SLIT3: variants seen among roughly 807,000 people sequenced by gnomAD.
SLIT3 encodes slit guidance ligand 3.
SLIT3 carries 68 observed loss-of-function variants against 184.0 expected under a neutral mutation model. That is an observed-to-expected ratio of 0.37 (90% CI 0.30 to 0.45). SLIT3 has a LOEUF of 0.45. Among genes scored for constraint, SLIT3 ranks in the 20% least tolerant of loss-of-function variants. The pLI, the probability that SLIT3 is intolerant of heterozygous loss-of-function variation, is 1.00. For missense variants in SLIT3, 1,707 were observed against 2,026.0 expected (o/e 0.84, Z 3.02); for synonymous variants, 831 against 828.6 (o/e 1.00, Z -0.05).
intron 4 of SLIT3, among the ~76,000 whole-genome samples, chr5:169,161,781 G>A (rs1159079432): frequency 3.3e-5 from 5 of 151,946 alleles, no homozygotes; most frequent in Non-Finnish European, 7.4e-5. Context: ...TGTCCACTGT[G>A]GTAGCTGAGG....
At chr5:168,869,108 T>C (rs977075317) in intron 5 of SLIT3, among the ~76,000 whole-genome samples, 23 of 152,242 alleles carry the variant, frequency 1.5e-4, no homozygotes, top group African/African-American at 5.5e-4. Context: ...GTTAACACTT[T>C]TAATTTCTCC....
At chr5:168,842,053 C>G (rs1411235799) in intron 6 of SLIT3, among the ~76,000 whole-genome samples, 1 of 151,974 alleles carries the variant, frequency 6.6e-6, no homozygotes, top group Non-Finnish European at 1.5e-5. Context: ...CTTTATGGAG[C>G]CTAAATTGTG....
chr5:168,675,847 G>T (rs1200757946), intron 32 of SLIT3, among the ~76,000 whole-genome samples: 4 of 152,146 alleles, frequency 2.6e-5, no homozygotes, highest in African/African-American at 9.7e-5. Flanking sequence ...GAAAGTGATG[G>T]CAGAGGACAT....
At chr5:168,756,246 CCTGGT>C (rs1489601222) in intron 16 of SLIT3, among the ~76,000 whole-genome samples, 1 of 152,234 alleles carries the variant, frequency 6.6e-6, no homozygotes, top group East Asian at 1.9e-4. Flanking sequence ...ATACCAAGTC[CCTGGT>C]CTGAGCTCTG....
intron 4 of SLIT3, among the ~76,000 whole-genome samples, chr5:168,906,272 C>T (rs1016191050): frequency 6.6e-6 from 1 of 152,190 alleles, no homozygotes; most frequent in African/African-American, 2.4e-5. Context: ...TTTGGTGCGA[C>T]CCTTCCTTGC....
chr5:169,243,099 C>A (rs1003544135), intron 3 of SLIT3, among the ~76,000 whole-genome samples: 1 of 151,998 alleles, frequency 6.6e-6, no homozygotes. Context: ...GTAATTACAC[C>A]TCATAGGAAT....
intron 3 of SLIT3, among the ~76,000 whole-genome samples, chr5:169,237,204 T>A (rs1045018125): frequency 2.6e-5 from 4 of 152,242 alleles, no homozygotes; most frequent in Non-Finnish European, 4.4e-5. Context: ...CATCACAGTC[T>A]GCATTCCATC....
At chr5:169,143,315 T>C (rs893832355) in intron 4 of SLIT3, among the ~76,000 whole-genome samples, 3 of 152,176 alleles carry the variant, frequency 2.0e-5, no homozygotes, top group Non-Finnish European at 4.4e-5. Context: ...ACACCACCAA[T>C]AGATAGACAG....
rs1286774352 is a variant in SLIT3 at position 168,746,418 on chromosome 5, GA to G, written c.2270+1883del. Among the ~76,000 whole-genome samples the G allele has an allele frequency of 5.2e-3, 454 of 87,732 alleles. 10 individuals are homozygous for G. The highest frequency in any genetic ancestry group is 5.7e-3 in the African/African-American group (116 of 20,466). The allele number at this position is 87,732 out of a possible 152,430, so 57.6% of individuals were successfully genotyped here. On this transcript the variant is annotated intron_variant, in intron 20 of 35. Transcript: ENST00000519560. ...TGGTGTCTGGTGGTGTGTAGTGTGTGAGTGTGGTGGTGTGTGGTGGTGTGGG... is the reference window on the plus strand; with the variant it reads ...TGGTGTCTGGTGGTGTGTAGTGTGTGGTGTGGTGGTGTGTGGTGGTGTGGG...
intron 4 of SLIT3, among the ~76,000 whole-genome samples, chr5:168,989,235 G>A (rs1755236218): frequency 6.6e-6 from 1 of 152,140 alleles, no homozygotes; most frequent in Non-Finnish European, 1.5e-5. Flanking sequence ...TTTCGGTTAG[G>A]AATTCCCACA....
intron 1 of SLIT3, among the ~76,000 whole-genome samples, chr5:169,253,090 A>G (rs894332693): frequency 1.2e-4 from 19 of 152,256 alleles, no homozygotes; most frequent in Non-Finnish European, 2.4e-4. Flanking sequence ...GAAGAAAAAA[A>G]AAAAAGCATA....
intron 4 of SLIT3, chr5:169,024,000 T>TG (rs1427971458): frequency 6.6e-6 from 1 of 152,228 alleles, no homozygotes; most frequent in Non-Finnish European, 1.5e-5. Flanking sequence ...TCCTGACCTA[T>TG]GGACCTCATG....
At chr5:168,784,363 G>A (rs545774481) in intron 12 of SLIT3, among the ~76,000 whole-genome samples, 9 of 152,296 alleles carry the variant, frequency 5.9e-5, no homozygotes, top group Admixed American at 1.3e-4. Context: ...GGCTGGGACC[G>A]TTGAACAGGA....
chr5:168,879,222 G>C lies in SLIT3; in HGVS notation c.485+4043C>G, dbSNP rs1759859657. Among the ~76,000 whole-genome samples, 3 of 152,202 alleles carry C rather than the reference G, an allele frequency of 2.0e-5. No individual in the cohort carries two copies. In the South Asian group the frequency reaches 6.2e-4, roughly 31 times the overall value. ...CAGCAGTTTATCTTCTAGTCTTTAA[G>C]GTAATAGTGGAATGGTGTGAATTCC... is the stretch of plus-strand genomic sequence containing the variant. On this transcript the variant is annotated intron_variant, in intron 5 of 35. Coordinates refer to ENST00000519560, the MANE Select transcript of SLIT3 (RefSeq NM_003062.4).
At chr5:168,768,426 C>T (rs1406121828) in intron 14 of SLIT3, among the ~76,000 whole-genome samples, 2 of 11,042 alleles carry the variant, frequency 1.8e-4, no homozygotes, top group Non-Finnish European at 1.4e-4. Flanking sequence ...TGCCCCACCC[C>T]AGGGAGACAC....
At chr5:169,253,005 A>G (rs778569019) in intron 1 of SLIT3, among the ~76,000 whole-genome samples, 5 of 152,104 alleles carry the variant, frequency 3.3e-5, no homozygotes, top group African/African-American at 9.7e-5. Flanking sequence ...AACAGCATCA[A>G]AGTTGTTTCT....
intron 4 of SLIT3, among the ~76,000 whole-genome samples, chr5:169,070,926 C>T (rs1355653636): frequency 6.6e-6 from 1 of 152,094 alleles, no homozygotes; most frequent in Non-Finnish European, 1.5e-5. Context: ...CGTCATCAAC[C>T]TTTAACCTTA....
At chr5:169,117,258 A>G (rs1396055354) in intron 4 of SLIT3, among the ~76,000 whole-genome samples, 1 of 152,204 alleles carries the variant, frequency 6.6e-6, no homozygotes, top group African/African-American at 2.4e-5. Context: ...CAATGGACTT[A>G]CAATCTATAA....
intron 4 of SLIT3, among the ~76,000 whole-genome samples, chr5:169,038,411 C>T (rs139665283): frequency 3.0e-4 from 46 of 152,322 alleles, no homozygotes; most frequent in Non-Finnish European, 3.2e-4. Flanking sequence ...TATGCACATA[C>T]GTTCAATCAA....
Sources: allele counts gnomAD v4.1 joint callset (sites outside exome capture counted in the v4.1 genomes callset), GRCh38; gene constraint gnomAD v4.1.1; transcripts MANE v1.5; gene names NCBI Gene and HGNC (gene_info 2026-07-23, HGNC 2026-07-21).